The following JADE1 variants were observed in gnomAD, a reference collection of about 807,000 sequenced individuals.
The protein encoded by JADE1 is protein Jade-1.
In JADE1, 14 loss-of-function variants were observed where a neutral mutation model predicts 81.8. The ratio of observed to expected loss-of-function variants is 0.17; its 90% CI spans 0.11 to 0.27. The LOEUF (loss-of-function observed/expected upper bound fraction) is 0.27. Ranked by LOEUF, JADE1 falls within the 10% of genes least tolerant of loss-of-function variation. The pLI is 1.00. For synonymous variants in JADE1, 353 were observed against 391.9 expected, an observed-to-expected ratio of 0.90 and a Z score of 1.17; for missense variants, 690 against 1,047.9, an observed-to-expected ratio of 0.66 and a Z score of 4.71.
chr4:128,818,066 A>G lies in JADE1; in HGVS notation c.-27+8189A>G, dbSNP rs530451249. On this transcript the variant is annotated intron_variant, in intron 1 of 10. Coordinates refer to ENST00000226319, the MANE Select transcript of JADE1 (RefSeq NM_199320.4). ...ACCCACTGGTTTTACTGTGGCCTTT[A>G]TTTAAGTTGCTTAGAGGTCTCCTCA... is the stretch of plus-strand genomic sequence containing the variant. 1.1e-4 allele frequency among the ~76,000 whole-genome samples: 16 copies of G among 151,940 alleles called. No homozygotes were observed. In the South Asian group the frequency reaches 3.3e-3, roughly 32 times the overall value.
chr4:128,833,177 T>A (rs1728689739), intron 2 of JADE1, among the ~76,000 whole-genome samples: 1 of 152,134 alleles, frequency 6.6e-6, no homozygotes, highest in Non-Finnish European at 1.5e-5. Flanking sequence ...AAGCCACCTG[T>A]CCGAGCCTTT....
Position 128,872,383 on chromosome 4 carries a change from A to G in JADE1, c.*121A>G. ...GAGCTACACAAACACATTTACTTGC[A>G]ATTCAGATTAATTTTTTTCCAGAGT... On this transcript the variant is annotated 3_prime_UTR_variant, in exon 11 of 11. Transcript: ENST00000226319. The G allele has an allele frequency of 2.5e-6, 2 of 803,382 alleles. No individual in the cohort carries two copies. Among genetic ancestry groups the G allele is most frequent in the South Asian group, 2.0e-5 (1 of 49,384 alleles). 49.8% of individuals were successfully genotyped at this position (803,382 alleles called of 1,614,324 possible).
At chr4:128,864,628 A>G (rs777756358) in intron 9 of JADE1, 3 of 984,260 alleles carry the variant, frequency 3.0e-6, no homozygotes, top group Non-Finnish European at 3.6e-6. Flanking sequence ...AATCATTACT[A>G]CCAACTTGTT....
intron 1 of JADE1, among the ~76,000 whole-genome samples, chr4:128,822,415 A>G (rs1340067453): frequency 1.3e-5 from 2 of 152,144 alleles, no homozygotes; most frequent in Admixed American, 6.5e-5. Flanking sequence ...CAATCATCGT[A>G]AAAAGTTAAA....
At chr4:128,824,209 G>C (rs1033202277) in intron 1 of JADE1, among the ~76,000 whole-genome samples, 1 of 152,102 alleles carries the variant, frequency 6.6e-6, no homozygotes. Flanking sequence ...ATGAGGTCAG[G>C]AGATCGAGAC....
chr4:128,812,746 T>A (rs1232619642), intron 1 of JADE1, among the ~76,000 whole-genome samples: 4 of 152,264 alleles, frequency 2.6e-5, no homozygotes, highest in Non-Finnish European at 4.4e-5. Context: ...TAAAAGGAGC[T>A]TTAGCTTGCC....
At chr4:128,851,788 T>G (rs925824361) in intron 5 of JADE1, among the ~76,000 whole-genome samples, 1 of 152,138 alleles carries the variant, frequency 6.6e-6, no homozygotes, top group Non-Finnish European at 1.5e-5. Context: ...CGCAGGCTCT[T>G]GAGTAGTTGG....
chr4:128,872,892 A>G lies in JADE1; in HGVS notation c.*630A>G, dbSNP rs1560788065. On this transcript the variant is annotated 3_prime_UTR_variant, in exon 11 of 11. Coordinates refer to ENST00000226319, the MANE Select transcript of JADE1 (RefSeq NM_199320.4). The stretch of plus-strand genomic sequence containing the variant: ...GAGGGGACAGGGTAGAGCTGCTGCA[A>G]TATGGAGATTTAGGGTAATATGGCA... The G allele has an allele frequency of 2.2e-6, 1 of 456,318 alleles. No individual in the cohort carries two copies. The highest frequency in any genetic ancestry group is 2.3e-5 in the Admixed American group (1 of 42,574). The allele number at this position is 456,318 out of a possible 1,614,324, so 28.3% of individuals were successfully genotyped here.
chr4:128,855,523 G>A (rs1730720233), intron 6 of JADE1, 107 bp from the exon 7 acceptor site: 4 of 1,175,380 alleles, frequency 3.4e-6, no homozygotes, highest in Non-Finnish European at 4.6e-6. Flanking sequence ...TGCTTTGGTG[G>A]TAGTTCTGTT....
rs1275845145 is a variant in JADE1, at chr4:128,846,110, G to A, written c.139-265G>A. Among the ~76,000 whole-genome samples the A allele has an allele frequency of 1.3e-5, 2 of 152,122 alleles. No homozygotes were observed. The highest frequency in any genetic ancestry group is 2.9e-5 in the Non-Finnish European group (2 of 68,026). Reference sequence around the variant, plus strand: ...GACATTTTTCAGAGGCGGACAACAAGATTTTTTGTTGTTTTTGTTGACGTT... The same window carrying A: ...GACATTTTTCAGAGGCGGACAACAAAATTTTTTGTTGTTTTTGTTGACGTT... On this transcript the variant is annotated intron_variant, in intron 3 of 10. Coordinates refer to ENST00000226319, the MANE Select transcript of JADE1 (RefSeq NM_199320.4). This position sits in a 1 kb window ranked among gnomAD's most constrained non-coding sequence, Gnocchi z 4.0.
At chr4:128,866,538 A>G (rs1192260360) in intron 9 of JADE1, among the ~76,000 whole-genome samples, 1 of 152,256 alleles carries the variant, frequency 6.6e-6, no homozygotes, top group Non-Finnish European at 1.5e-5. Context: ...TCTACACCAG[A>G]GTGCAAAATC....
At chr4:128,863,561 G>T in intron 9 of JADE1, 1 of 985,380 alleles carries the variant, frequency 1.0e-6, no homozygotes, top group Non-Finnish European at 1.2e-6. Context: ...TATTTGTGAT[G>T]CCCCTTCCCA....
intron 8 of JADE1, among the ~76,000 whole-genome samples, chr4:128,859,470 C>T (rs1553950261): frequency 1.3e-5 from 2 of 151,468 alleles, no homozygotes; most frequent in Non-Finnish European, 1.5e-5. Context: ...TGAGTATGCA[C>T]ATGAGTATGC....
chr4:128,857,783 A>G (rs1442861174), intron 8 of JADE1, among the ~76,000 whole-genome samples: 4 of 152,148 alleles, frequency 2.6e-5, no homozygotes, highest in Admixed American at 2.6e-4. Context: ...ACCTCCTAGC[A>G]GTCTTAGTGA....
Position 128,831,794 on chromosome 4 carries a change from T to G in JADE1, c.36T>G (p.Asp12Glu). The G allele has an allele frequency of 6.2e-7, 1 of 1,614,158 alleles. No homozygotes were observed. Among genetic ancestry groups the G allele is most frequent in the Non-Finnish European group, 8.5e-7 (1 of 1,180,010 alleles). ...KRGRLPSSSE[D>E]SDDNGSLSTT... is the part of the protein sequence containing the mutation. ...GTCGCCTTCCCAGCAGCAGTGAGGATTCTGACGACAATGGCAGTAAGTCCT... is the reference window on the plus strand; with the variant it reads ...GTCGCCTTCCCAGCAGCAGTGAGGAGTCTGACGACAATGGCAGTAAGTCCT... The change falls in exon 2 of 11, where the codon GAT becomes GAG. Residue 12 changes from aspartate to glutamate, a missense_variant. Asp to Glu is a conservative substitution (Grantham distance 45). Transcript: ENST00000226319.
chr4:128,857,552 G>A, intron 8 of JADE1, 98 bp downstream of exon 8: 1 of 949,426 alleles, frequency 1.1e-6, no homozygotes, highest in Non-Finnish European at 1.6e-6. Context: ...TTTGGAGAGG[G>A]GACTAGAATC....
intron 2 of JADE1, among the ~76,000 whole-genome samples, chr4:128,837,153 C>G (rs746685700): frequency 6.6e-6 from 1 of 152,160 alleles, no homozygotes; most frequent in Non-Finnish European, 1.5e-5. Context: ...TGTGGGCCCT[C>G]TCTGGTCTCC....
intron 1 of JADE1, among the ~76,000 whole-genome samples, chr4:128,812,346 C>G (rs1476139361): frequency 1.3e-5 from 2 of 151,342 alleles, no homozygotes; most frequent in African/African-American, 4.9e-5. Context: ...GTCGGCGCCG[C>G]GCGGAACCGC....
At chr4:128,831,363 T>C (rs1372314646) in intron 1 of JADE1, 1 of 179,614 alleles carries the variant, frequency 5.6e-6, no homozygotes, top group Non-Finnish European at 1.2e-5. Context: ...TATGAATCTG[T>C]CTGTAGTGAG....
Sources: allele counts gnomAD v4.1 joint callset (sites outside exome capture counted in the v4.1 genomes callset), GRCh38; gene constraint gnomAD v4.1.1; non-coding constraint Gnocchi (gnomAD v3.1); transcripts MANE v1.5; gene names NCBI Gene and HGNC (gene_info 2026-07-23, HGNC 2026-07-21).